ZNF609: variants seen among roughly 807,000 people sequenced by gnomAD.
The protein encoded by ZNF609 is zinc finger protein 609.
A neutral mutation model predicts 109.5 loss-of-function variants in ZNF609; 11 were observed. The observed-to-expected ratio is 0.10, with a 90% CI of 0.06 to 0.17. ZNF609 has a LOEUF of 0.17. ZNF609 is among the 10% of genes least tolerant of loss of function. The pLI, the probability that ZNF609 is intolerant of heterozygous loss-of-function variation, is 1.00. For synonymous variants in ZNF609, 646 were observed against 662.0 expected (o/e 0.98, Z 0.37); for missense variants, 1,559 against 1,772.4 (o/e 0.88, Z 2.16).
chr15:64,557,771 A>G (rs546157030), intron 2 of ZNF609, among the ~76,000 whole-genome samples: 1 of 152,188 alleles, frequency 6.6e-6, no homozygotes, highest in East Asian at 1.9e-4. Flanking sequence ...ATCTCGGCCC[A>G]GTGCAAGCTG....
chr15:64,595,894 A>G (rs1391628887), intron 2 of ZNF609, among the ~76,000 whole-genome samples: 1 of 152,192 alleles, frequency 6.6e-6, no homozygotes, highest in Non-Finnish European at 1.5e-5. Context: ...ACTGCTATTG[A>G]CAGAAAACTG....
chr15:64,608,751 T>TA (rs1369354526), intron 2 of ZNF609, among the ~76,000 whole-genome samples: 12 of 127,752 alleles, frequency 9.4e-5, no homozygotes, highest in African/African-American at 2.1e-4. Context: ...GTGTGTGTAT[T>TA]TTTTTGATAC....
intron 3 of ZNF609, among the ~76,000 whole-genome samples, chr15:64,668,952 C>CAAA (rs538954402): frequency 1.9e-3 from 67 of 34,758 alleles, no homozygotes; most frequent in Middle Eastern, 0.014. Flanking sequence ...AACTCCGTCT[C>CAAA]AAAAAAAAAA....
At chr15:64,676,543 G>C (rs192511394) in intron 5 of ZNF609, among the ~76,000 whole-genome samples, 1 of 152,094 alleles carries the variant, frequency 6.6e-6, no homozygotes, top group African/African-American at 2.4e-5. Flanking sequence ...CAATTCTCCT[G>C]CCTCAGCCTC....
At chr15:64,470,034 G>C (rs952803548) in intron 1 of ZNF609, among the ~76,000 whole-genome samples, 1 of 152,174 alleles carries the variant, frequency 6.6e-6, no homozygotes, top group Non-Finnish European at 1.5e-5. Context: ...ATTCCACTTT[G>C]AATTAACTTC....
chr15:64,553,640 C>T (rs1392483850), intron 2 of ZNF609, among the ~76,000 whole-genome samples: 1 of 149,548 alleles, frequency 6.7e-6, no homozygotes, highest in East Asian at 2.0e-4. Flanking sequence ...ACTCTGTTGC[C>T]CAGGCTGGAG....
intron 1 of ZNF609, among the ~76,000 whole-genome samples, chr15:64,471,597 C>T (rs528940112): frequency 9.3e-5 from 14 of 151,258 alleles, no homozygotes; most frequent in Admixed American, 7.9e-4. Context: ...TTTTTTTGTC[C>T]CCCCAAGATG....
At chr15:64,484,991 C>T (rs1203185719) in intron 1 of ZNF609, among the ~76,000 whole-genome samples, 2 of 152,028 alleles carry the variant, frequency 1.3e-5, no homozygotes, top group Non-Finnish European at 2.9e-5. Flanking sequence ...GTGAAAGAAA[C>T]TAGGAATCTT....
At chr15:64,459,617 G>A (rs1892909890), upstream of ZNF609, among the ~76,000 whole-genome samples, 1 of 152,062 alleles carries the variant, frequency 6.6e-6, no homozygotes, top group African/African-American at 2.4e-5. Context: ...CCCAGGATAA[G>A]GGAAAAAAGG....
At position 64,658,565 on chromosome 15, in the gene ZNF609, T is replaced by C. The variant is rs76087750; in HGVS notation, c.974-11781T>C. Among the ~76,000 whole-genome samples the C allele has an allele frequency of 2.2e-3, 328 of 150,856 alleles. 1 individual carries two copies. The highest frequency in any genetic ancestry group is 3.6e-3 in the Non-Finnish European group (241 of 67,662). ...TATAATCCCAGCACTTTGAAAGATA[T>C]ACACACACACACACACACATTATAT... On this transcript the variant is annotated intron_variant, in intron 3 of 9. Coordinates refer to ENST00000326648, the MANE Select transcript of ZNF609 (RefSeq NM_015042.2).
chr15:64,667,223 A>C (rs1398706647), intron 3 of ZNF609, among the ~76,000 whole-genome samples: 4 of 152,232 alleles, frequency 2.6e-5, no homozygotes, highest in Admixed American at 6.5e-5. Flanking sequence ...ATTTGCACTG[A>C]GGTTTTCTAA....
intron 2 of ZNF609, among the ~76,000 whole-genome samples, chr15:64,568,521 A>T (rs1894813553): frequency 6.6e-6 from 1 of 152,130 alleles, no homozygotes; most frequent in Admixed American, 6.5e-5. Flanking sequence ...AGAATTTCTG[A>T]TATTCTGATG....
chr15:64,571,684 C>T (rs1164428112), intron 2 of ZNF609, among the ~76,000 whole-genome samples: 1 of 151,778 alleles, frequency 6.6e-6, no homozygotes, highest in African/African-American at 2.4e-5. Context: ...TTTTTTCAGT[C>T]AGTCTCACTC....
At chr15:64,649,935 A>G (rs1896389829) in intron 3 of ZNF609, among the ~76,000 whole-genome samples, 1 of 152,114 alleles carries the variant, frequency 6.6e-6, no homozygotes, top group Admixed American at 6.5e-5. Context: ...ATCTAGGAAT[A>G]GAATAATATA....
At chr15:64,563,942 G>A (rs1894732487) in intron 2 of ZNF609, among the ~76,000 whole-genome samples, 1 of 152,062 alleles carries the variant, frequency 6.6e-6, no homozygotes, top group African/African-American at 2.4e-5. Flanking sequence ...GGAGCGCAGT[G>A]ACACGATCTC....
intron 2 of ZNF609, among the ~76,000 whole-genome samples, chr15:64,585,683 A>G (rs1895183683): frequency 6.6e-6 from 1 of 152,154 alleles, no homozygotes; most frequent in African/African-American, 2.4e-5. Context: ...ACCTTAGTTA[A>G]TGCTCATTTA....
At chr15:64,654,526 C>T (rs778004686) in intron 3 of ZNF609, 7 of 151,990 alleles carry the variant, frequency 4.6e-5, no homozygotes, top group Non-Finnish European at 1.0e-4. Context: ...GTCTTGACCT[C>T]CTGGCCTCAA....
intron 2 of ZNF609, among the ~76,000 whole-genome samples, chr15:64,505,432 A>G (rs1893621268): frequency 6.6e-6 from 1 of 152,200 alleles, no homozygotes; most frequent in African/African-American, 2.4e-5. Flanking sequence ...GAGAAGATAT[A>G]CTGTTGGCTA....
intron 2 of ZNF609, among the ~76,000 whole-genome samples, chr15:64,576,096 A>G (rs963733888): frequency 6.6e-6 from 1 of 152,058 alleles, no homozygotes; most frequent in African/African-American, 2.4e-5. Context: ...AGCGAGACTC[A>G]GTCTCAAATA....
Sources: allele counts gnomAD v4.1 joint callset (sites outside exome capture counted in the v4.1 genomes callset), GRCh38; gene constraint gnomAD v4.1.1; transcripts MANE v1.5; gene names NCBI Gene and HGNC (gene_info 2026-07-23, HGNC 2026-07-21).